FILIP1L: variants seen among roughly 807,000 people sequenced by gnomAD.
FILIP1L encodes filamin A interacting protein 1 like, also known as filamin A-interacting protein 1-like.
FILIP1L carries 55 observed loss-of-function variants against 96.6 expected under a neutral mutation model. That is an observed-to-expected ratio of 0.57 (90% CI 0.46 to 0.71). The LOEUF (loss-of-function observed/expected upper bound fraction) is 0.71, where lower values mean the gene tolerates loss of function less well. Ranked by LOEUF, FILIP1L falls within the 30% of genes least tolerant of loss-of-function variation. The pLI is 0.00. For missense variants in FILIP1L, 1,304 were observed against 1,321.2 expected (o/e 0.99, Z 0.20); for synonymous variants, 467 against 473.9 (o/e 0.99, Z 0.19).
intron 5 of FILIP1L, among the ~76,000 whole-genome samples, chr3:99,832,834 T>G (rs1246408198): frequency 2.1e-5 from 3 of 139,708 alleles, no homozygotes; most frequent in Non-Finnish European, 4.6e-5. Flanking sequence ...AGCAAGACTC[T>G]GTCTCAAAAA....
At chr3:100,099,670 A>C (rs978319523) in intron 1 of FILIP1L, among the ~76,000 whole-genome samples, 2 of 152,184 alleles carry the variant, frequency 1.3e-5, no homozygotes, top group Non-Finnish European at 2.9e-5. Flanking sequence ...TAAATATACC[A>C]TGTTATTCAT....
chr3:99,841,195 G>A (rs192530292), intron 5 of FILIP1L, among the ~76,000 whole-genome samples: 171 of 152,306 alleles, frequency 1.1e-3, no homozygotes, highest in African/African-American at 3.8e-3. Context: ...CATAAGGATC[G>A]TTTCCACTCA....
intron 1 of FILIP1L, among the ~76,000 whole-genome samples, chr3:99,939,596 GTA>G (rs1298120551): frequency 1.3e-5 from 2 of 152,184 alleles, no homozygotes; most frequent in African/African-American, 4.8e-5. Context: ...ATTGGTGAAG[GTA>G]TATACTCAGG....
At chr3:99,990,681 A>G (rs1576625179) in intron 1 of FILIP1L, among the ~76,000 whole-genome samples, 1 of 152,180 alleles carries the variant, frequency 6.6e-6, no homozygotes, top group Admixed American at 6.5e-5. Context: ...GCCTCCTGGT[A>G]TAATTCTGAT....
At chr3:100,094,054 T>C (rs1003638165) in intron 1 of FILIP1L, among the ~76,000 whole-genome samples, 3 of 152,252 alleles carry the variant, frequency 2.0e-5, no homozygotes, top group African/African-American at 7.2e-5. Flanking sequence ...CAGCAATGTA[T>C]GAGTGATGTA....
In FILIP1L at chr3:99,962,306, T is replaced by C. The variant is rs75904898; in HGVS notation, c.-10-31276A>G. Reference sequence around the variant, plus strand: ...AGTGGGAAGATGAGGTCGCATGTGATGGGAGAGTGGAAGATGATGGGCAGT... The same window carrying C: ...AGTGGGAAGATGAGGTCGCATGTGACGGGAGAGTGGAAGATGATGGGCAGT... On this transcript the variant is annotated intron_variant, in intron 1 of 5. Transcript: ENST00000477258. Among the ~76,000 whole-genome samples, 514 of 152,178 alleles carry C rather than the reference T, an allele frequency of 3.4e-3. 3 individuals are homozygous for C. The highest frequency in any genetic ancestry group is 0.012 in the African/African-American group (492 of 41,528).
intron 1 of FILIP1L, among the ~76,000 whole-genome samples, chr3:100,083,608 C>A (rs1401995697): frequency 6.6e-6 from 1 of 152,196 alleles, no homozygotes; most frequent in Non-Finnish European, 1.5e-5. Flanking sequence ...TTGCTTAGTG[C>A]ATGCTTCTTT....
At chr3:99,943,790 A>G (rs1707923496) in intron 1 of FILIP1L, among the ~76,000 whole-genome samples, 1 of 152,224 alleles carries the variant, frequency 6.6e-6, no homozygotes, top group African/African-American at 2.4e-5. Context: ...AATAAACAGC[A>G]TGGTAGACAG....
At position 99,859,732 on chromosome 3, in the gene FILIP1L, T is replaced by G. The variant is rs116726106; in HGVS notation, c.606-8662A>C. The stretch of plus-strand genomic sequence containing the variant: ...GGATTTCTAGCAGTTTGCAGAGTAA[T>G]TACATGGAATTTATTGGAAAGCTTC... On this transcript the variant is annotated intron_variant, in intron 4 of 5. Transcript: ENST00000477258. Among the ~76,000 whole-genome samples the G allele has an allele frequency of 6.8e-3, 1,027 of 151,908 alleles. 3 individuals carry two copies. The highest frequency in any genetic ancestry group is 8.6e-3 in the African/African-American group (355 of 41,382).
At chr3:99,867,096 G>A (rs1019111137) in intron 4 of FILIP1L, among the ~76,000 whole-genome samples, 15 of 152,162 alleles carry the variant, frequency 9.9e-5, no homozygotes, top group African/African-American at 3.6e-4. Flanking sequence ...ACATGTTCTA[G>A]AGGATATTAA....
At chr3:99,863,187 C>T (rs915002627) in intron 4 of FILIP1L, among the ~76,000 whole-genome samples, 30 of 152,270 alleles carry the variant, frequency 2.0e-4, no homozygotes, top group Middle Eastern at 3.4e-3. Context: ...ATTAGATTCT[C>T]ATAAGGAGCA....
At chr3:100,022,214 G>A (rs533328844) in intron 1 of FILIP1L, among the ~76,000 whole-genome samples, 18 of 152,280 alleles carry the variant, frequency 1.2e-4, no homozygotes, top group African/African-American at 4.3e-4. Context: ...AATTGCAGTA[G>A]CATTGAGAGA....
chr3:99,892,954 G>C (rs769801796), intron 4 of FILIP1L, among the ~76,000 whole-genome samples: 2 of 152,156 alleles, frequency 1.3e-5, no homozygotes, highest in Admixed American at 1.3e-4. Flanking sequence ...TGAGGCCCCT[G>C]TTGGTGCTGA....
chr3:99,970,231 A>G (rs1262700538), intron 1 of FILIP1L, among the ~76,000 whole-genome samples: 1 of 152,218 alleles, frequency 6.6e-6, no homozygotes, highest in Non-Finnish European at 1.5e-5. Context: ...AATTTGCCCA[A>G]AGTCATCTGA....
chr3:100,023,485 A>G (rs183641313), intron 1 of FILIP1L: 1 of 152,740 alleles, frequency 6.5e-6, no homozygotes, highest in Admixed American at 6.5e-5. Context: ...CTAAAAAGAA[A>G]TGCTCCGAGT....
chr3:99,949,871 C>T (rs1172321727), intron 1 of FILIP1L, among the ~76,000 whole-genome samples: 1 of 152,026 alleles, frequency 6.6e-6, no homozygotes, highest in South Asian at 2.1e-4. Context: ...CAATTATTAC[C>T]AAGGACATTC....
At chr3:99,966,778 G>T (rs1463477271) in intron 1 of FILIP1L, among the ~76,000 whole-genome samples, 1 of 152,134 alleles carries the variant, frequency 6.6e-6, no homozygotes, top group East Asian at 1.9e-4. Context: ...AAGTTATATG[G>T]GCCACGTATA....
At chr3:100,082,496 T>C (rs765786006) in intron 1 of FILIP1L, among the ~76,000 whole-genome samples, 1 of 152,168 alleles carries the variant, frequency 6.6e-6, no homozygotes, top group Non-Finnish European at 1.5e-5. Flanking sequence ...TGAGAAATTA[T>C]TCGTTTCCAG....
chr3:99,893,125 G>A (rs2107616812), intron 4 of FILIP1L, among the ~76,000 whole-genome samples: 1 of 150,976 alleles, frequency 6.6e-6, no homozygotes, highest in East Asian at 2.0e-4. Context: ...TCTGCTTTCA[G>A]GTATCTCTAT....
Sources: allele counts gnomAD v4.1 joint callset (sites outside exome capture counted in the v4.1 genomes callset), GRCh38; gene constraint gnomAD v4.1.1; transcripts MANE v1.5; gene names NCBI Gene and HGNC (gene_info 2026-07-23, HGNC 2026-07-21).